Variants in STK31 observed in about 807,000 individuals in gnomAD.
STK31 encodes serine/threonine kinase 31, also known as serine/threonine-protein kinase 31.
STK31 carries 89 observed loss-of-function variants against 129.7 expected under a neutral mutation model. That is an observed-to-expected ratio of 0.69 (90% CI 0.58 to 0.82). The LOEUF (loss-of-function observed/expected upper bound fraction) is 0.82, where lower values mean the gene tolerates loss of function less well. Ranked by LOEUF, STK31 falls within the 40% of genes least tolerant of loss-of-function variation. STK31 has a pLI of 0.00. For missense variants in STK31, 1,187 were observed against 1,176.4 expected, an observed-to-expected ratio of 1.01 and a Z score of -0.13; for synonymous variants, 448 against 395.3, an observed-to-expected ratio of 1.13 and a Z score of -1.58.
At chr7:23,818,765 C>T (rs1793614398) in intron 23 of STK31, among the ~76,000 whole-genome samples, 2 of 152,130 alleles carry the variant, frequency 1.3e-5, no homozygotes, top group South Asian at 4.1e-4. Context: ...GCTGGTACTA[C>T]AGTCACATGC....
At chr7:23,784,708 AT>A (rs1562599633) in intron 17 of STK31, among the ~76,000 whole-genome samples, 1 of 152,164 alleles carries the variant, frequency 6.6e-6, no homozygotes, top group East Asian at 1.9e-4. Flanking sequence ...CCAGAAAACA[AT>A]TCTACAATGC....
intron 22 of STK31, among the ~76,000 whole-genome samples, chr7:23,810,068 G>A (rs1279949134): frequency 6.6e-6 from 1 of 152,050 alleles, no homozygotes; most frequent in East Asian, 1.9e-4. Context: ...CTATCTTGTG[G>A]TTTAAGGTCA....
chr7:23,710,600 C>A, intron 1 of STK31: 1 of 1,294,278 alleles, frequency 7.7e-7, no homozygotes, highest in Non-Finnish European at 9.9e-7. Flanking sequence ...TCTTCCCCTT[C>A]TCGAAAATTC....
intron 3 of STK31, among the ~76,000 whole-genome samples, chr7:23,716,330 A>T (rs2128061705): frequency 6.6e-6 from 1 of 152,308 alleles, no homozygotes; most frequent in Middle Eastern, 3.4e-3. Flanking sequence ...TTGGGGTTTC[A>T]TGATGTGATA....
Position 23,785,619 on chromosome 7 carries a change from TCTTA to T in STK31, c.2274+20_2274+23del. 6.2e-7 allele frequency: 1 copy of T among 1,605,836 alleles called. No individual in the cohort carries two copies. Among genetic ancestry groups the T allele is most frequent in the Non-Finnish European group, 8.5e-7 (1 of 1,174,402 alleles). Reference sequence around the variant, plus strand: ...TCTGTTAAAGGTAAGTCTAACTTCTTCTTACTTGTGGGAGATTCAGCAGCATAAA... The same window carrying T: ...TCTGTTAAAGGTAAGTCTAACTTCTTCTTGTGGGAGATTCAGCAGCATAAA... On this transcript the variant is annotated intron_variant, in intron 18 of 23. Transcript: ENST00000355870.
chr7:23,803,140 A>G (rs1792482372), intron 22 of STK31, among the ~76,000 whole-genome samples: 1 of 152,174 alleles, frequency 6.6e-6, no homozygotes, highest in African/African-American at 2.4e-5. Context: ...TTTTGATAGT[A>G]AAGTTAGTTT....
At chr7:23,774,072 G>A (rs1790375951) in intron 15 of STK31, among the ~76,000 whole-genome samples, 1 of 152,012 alleles carries the variant, frequency 6.6e-6, no homozygotes, top group African/African-American at 2.4e-5. Context: ...GAGAATGATG[G>A]CTTCCAGTTG....
chr7:23,719,129 T>C (rs1786527554), intron 4 of STK31, among the ~76,000 whole-genome samples: 1 of 152,096 alleles, frequency 6.6e-6, no homozygotes, highest in Non-Finnish European at 1.5e-5. Context: ...TTGATTGATT[T>C]GTAGGCATTC....
At chr7:23,824,030 G>A (rs142804219) in intron 23 of STK31, among the ~76,000 whole-genome samples, 15,101 of 152,140 alleles carry the variant, frequency 0.099, 1,072 homozygotes, top group African/African-American at 0.2. Flanking sequence ...GTCAGGTAGC[G>A]TGATGCCTCC....
At chr7:23,832,084 A>G in intron 23 of STK31, 52 bp from the exon 24 acceptor site, 1 of 1,328,606 alleles carries the variant, frequency 7.5e-7, no homozygotes, top group Non-Finnish European at 1.1e-6. Flanking sequence ...CTTCTTCATT[A>G]CAGATTTGTC....
At chr7:23,780,955 CA>C (rs1399311838) in intron 15 of STK31, among the ~76,000 whole-genome samples, 1 of 152,184 alleles carries the variant, frequency 6.6e-6, no homozygotes, top group East Asian at 1.9e-4. Context: ...TTTCCTTTCA[CA>C]AAAGCATACA....
chr7:23,750,076 G>GC (rs1236953827), intron 8 of STK31, among the ~76,000 whole-genome samples: 6 of 104,230 alleles, frequency 5.8e-5, no homozygotes, highest in Non-Finnish European at 6.1e-5. Flanking sequence ...TTCCCCCCCC[G>GC]CCACTGCTGG....
rs141230549 is a variant in STK31, at chr7:23,745,034, G to A, written c.1018-7683G>A. On this transcript the variant is annotated intron_variant, in intron 8 of 23. Transcript: ENST00000355870. ...ATGTGGGTGATAGTAGCAATGGCTT[G>A]ACAACCCTGTGCTTTCCAAGTGGTC... Among the ~76,000 whole-genome samples the A allele has an allele frequency of 4.1e-4, 62 of 152,300 alleles. No homozygotes were observed. The East Asian group carries it at 9.7e-3, about 24-fold the overall frequency.
intron 4 of STK31, among the ~76,000 whole-genome samples, chr7:23,718,360 C>T (rs567877031): frequency 6.6e-6 from 1 of 152,176 alleles, no homozygotes; most frequent in African/African-American, 2.4e-5. Flanking sequence ...AACTTGTATA[C>T]AGTAAGGTAT....
intron 7 of STK31, 40 bp from the exon 8 acceptor site, chr7:23,736,864 T>C: frequency 6.4e-7 from 1 of 1,550,884 alleles, no homozygotes; most frequent in Non-Finnish European, 8.7e-7. Context: ...GTCAGCCTTA[T>C]ACAGTTTGTT....
intron 22 of STK31, among the ~76,000 whole-genome samples, chr7:23,810,762 A>ATT (rs1793062696): frequency 7.4e-6 from 1 of 135,624 alleles, no homozygotes; most frequent in Non-Finnish European, 1.6e-5. Flanking sequence ...TATAATATAT[A>ATT]ATATATAAAT....
At chr7:23,711,260 A>G (rs927758821) in intron 1 of STK31, among the ~76,000 whole-genome samples, 1 of 152,086 alleles carries the variant, frequency 6.6e-6, no homozygotes, top group Admixed American at 6.5e-5. Flanking sequence ...AACATGGTGA[A>G]ACCCCGTCTC....
intron 8 of STK31, among the ~76,000 whole-genome samples, chr7:23,738,476 C>A (rs183084162): frequency 3.3e-5 from 5 of 152,290 alleles, no homozygotes; most frequent in African/African-American, 9.6e-5. Context: ...CAACTTCTGC[C>A]TCCCGGACTC....
chr7:23,743,270 T>A (rs1253024512), intron 8 of STK31, among the ~76,000 whole-genome samples: 2 of 152,188 alleles, frequency 1.3e-5, no homozygotes, highest in Non-Finnish European at 2.9e-5. Context: ...TTAACTTTCA[T>A]GTGTTTTTAT....
Sources: allele counts gnomAD v4.1 joint callset (sites outside exome capture counted in the v4.1 genomes callset), GRCh38; gene constraint gnomAD v4.1.1; transcripts MANE v1.5; gene names NCBI Gene and HGNC (gene_info 2026-07-23, HGNC 2026-07-21).